MUC4: variants seen among roughly 807,000 people sequenced by gnomAD.
MUC4 encodes mucin-4.
A neutral mutation model predicts 257.9 loss-of-function variants in MUC4; 202 were observed. That is an observed-to-expected ratio of 0.78 (90% CI 0.70 to 0.88). The LOEUF is 0.88. MUC4 is among the 40% of genes least tolerant of loss of function. The pLI is 0.00. For synonymous variants in MUC4, 2,351 were observed against 2,757.1 expected (o/e 0.85, Z 4.62); for missense variants, 5,976 against 6,513.7 (o/e 0.92, Z 2.84).
chr3:195,798,026 G>T (rs1734776739), intron 1 of MUC4, among the ~76,000 whole-genome samples: 1 of 152,092 alleles, frequency 6.6e-6, no homozygotes, highest in South Asian at 2.1e-4. Flanking sequence ...GTTGAGGGGG[G>T]AGGATCACTT....
At chr3:195,773,023 C>T (rs1168608455) in intron 4 of MUC4, among the ~76,000 whole-genome samples, 18 of 145,302 alleles carry the variant, frequency 1.2e-4, no homozygotes, top group African/African-American at 4.4e-4. Flanking sequence ...CTCTCTCCAT[C>T]GCTCAGGGGT....
intron 4 of MUC4, among the ~76,000 whole-genome samples, chr3:195,772,251 C>A (rs1209709410): frequency 6.6e-6 from 1 of 151,032 alleles, no homozygotes; most frequent in Non-Finnish European, 1.5e-5. Flanking sequence ...GGGGTGTAGA[C>A]ACCCTCTCTC....
At chr3:195,754,826 C>G (rs867512721) in intron 18 of MUC4, among the ~76,000 whole-genome samples, 8 of 74,510 alleles carry the variant, frequency 1.1e-4, no homozygotes, top group African/African-American at 3.0e-4. Flanking sequence ...ATGTGTGTAT[C>G]CATGTGTGTA....
In MUC4 at chr3:195,782,015, T is replaced by C. The variant is rs1728369232; in HGVS notation, c.9565A>G (p.Ser3189Gly). ...TGACCTGTGGATGCTGAGGAAGGGC[T>C]AGTGACAGGAAGAGGCGTGGTGTCA... Reference protein sequence around the residue: ...TGDTTPLPVTSPSSASTGHAT... With the variant: ...TGDTTPLPVTGPSSASTGHAT... Residue 3189 changes from serine to glycine, a missense_variant, in exon 2 of 25, where the codon AGC becomes GGC. Around this residue, in one of 44 missense-constraint regions of MUC4, gnomAD observed 28 missense variants for 79.1 expected, o/e 0.35. Transcript: ENST00000463781. The C allele has an allele frequency of 6.7e-7, 1 of 1,486,044 alleles. No homozygotes were observed. The highest frequency in any genetic ancestry group is 9.0e-7 in the Non-Finnish European group (1 of 1,117,028). The allele number at this position is 1,486,044 out of a possible 1,614,324, so 92.1% of individuals were successfully genotyped here.
At chr3:195,763,756 C>T (rs1719758047) in intron 11 of MUC4, 115 bp from the exon 12 acceptor site, 1 of 1,116,060 alleles carries the variant, frequency 9.0e-7, no homozygotes, top group Non-Finnish European at 1.2e-6. Context: ...AGGTTCCTCA[C>T]TGCAGTCGAC....
chr3:195,774,327 C>G, intron 3 of MUC4, 22 bp from the exon 4 acceptor site: 1 of 1,499,852 alleles, frequency 6.7e-7, no homozygotes, highest in Non-Finnish European at 8.9e-7. Context: ...CAGAGAAGAG[C>G]AGGAAGTCCA....
rs1717838480 is a variant in MUC4 at position 195,757,174 on chromosome 3, G to A, written c.15141C>T (p.Thr5047=). 2.5e-6 allele frequency: 4 copies of A among 1,605,690 alleles called. No homozygotes were observed. The highest frequency in any genetic ancestry group is 3.4e-6 in the Non-Finnish European group (4 of 1,173,368). The part of the protein sequence containing the change: ...NAESQCLYNQ[T]SRVGNSSLEV... ...CCAGGGAGGAGTTGCCCACCCTGCT[G>A]GTCTGATTGTACAAACACTGGCTCT... The change falls in exon 18 of 25, where the codon ACC becomes ACT. Residue 5047 remains threonine (T), a synonymous_variant. Coordinates refer to ENST00000463781, the MANE Select transcript of MUC4 (RefSeq NM_018406.7). This position sits in a 1 kb window ranked among gnomAD's most constrained non-coding sequence, Gnocchi z 4.8.
rs751815251 is a variant in MUC4 at position 195,789,810 on chromosome 3, T to TA, written c.1769dup (p.Thr592AsnfsTer13). ...AAGAAGATGGGGATGTGGCCGTTTTTATCATCTGAGTCACACTGTAGCTTG... is the reference window on the plus strand; with the variant it reads ...AAGAAGATGGGGATGTGGCCGTTTTTAATCATCTGAGTCACACTGTAGCTTG... On this transcript the variant is annotated frameshift_variant, in exon 2 of 25. Coordinates refer to ENST00000463781, the MANE Select transcript of MUC4 (RefSeq NM_018406.7). LOFTEE classifies it high-confidence loss of function. The TA allele has an allele frequency of 6.2e-7, 1 of 1,614,026 alleles. No homozygotes were observed. Among genetic ancestry groups the TA allele is most frequent in the Non-Finnish European group, 8.5e-7 (1 of 1,179,878 alleles).
intron 12 of MUC4, among the ~76,000 whole-genome samples, 188 bp downstream of exon 12, chr3:195,763,245 C>T (rs533398015): frequency 1.3e-5 from 2 of 152,374 alleles, no homozygotes; most frequent in Non-Finnish European, 1.5e-5. Context: ...GCTGGGAAAC[C>T]GTGGGGCCAG....
At chr3:195,754,075 T>C (rs2148765910) in intron 19 of MUC4, 138 bp downstream of exon 19, 1 of 1,225,658 alleles carries the variant, frequency 8.2e-7, no homozygotes, top group East Asian at 2.5e-5. Flanking sequence ...CCTGCCTAGA[T>C]TTCCCACACC....
chr3:195,788,365 G>A lies in MUC4; in HGVS notation c.3215C>T (p.Pro1072Leu). ...TGAGGAAAGGCTGGTGACAGGAAGA[G>A]GGGTGACGTGACCTGTGGATGCTGA... ...TSSASTGHVT[P>L]LPVTSLSSAS... Residue 1072 changes from proline (P) to leucine (L), a missense_variant, in exon 2 of 25, where the codon CCT becomes CTT. Pro to Leu is a moderately conservative substitution (Grantham distance 98). This residue lies in a region of MUC4 where 68 missense variants were observed against 90.4 expected (regional missense o/e 0.75). Coordinates refer to ENST00000463781, the MANE Select transcript of MUC4 (RefSeq NM_018406.7). 1.9e-6 allele frequency: 3 copies of A among 1,541,426 alleles called. No individual in the cohort carries two copies. Among genetic ancestry groups the A allele is most frequent in the Admixed American group, 2.0e-5 (1 of 50,548 alleles).
rs556354486 is a variant in MUC4, at chr3:195,778,901, C to A, written c.12679G>T (p.Val4227Phe). 6.4e-7 allele frequency: 1 copy of A among 1,565,378 alleles called. No homozygotes were observed. The highest frequency in any genetic ancestry group is 8.6e-7 in the Non-Finnish European group (1 of 1,156,338). Residue 4227 changes from valine (V) to phenylalanine (F), a missense_variant, in exon 2 of 25, where the codon GTC becomes TTC. Physicochemically the swap from Val to Phe is conservative, Grantham distance 50. Around this residue, in one of 44 missense-constraint regions of MUC4, gnomAD observed 22 missense variants for 64.1 expected, o/e 0.34. Transcript: ENST00000463781. ...GTGGATACTGAGGAAAGGCTGGTGA[C>A]AGGAAGAGGGGTGGCGTGACCTGTG... is the stretch of plus-strand genomic sequence containing the variant. ...ASTGHATPLP[V>F]TSLSSVSTGH...
chr3:195,761,048 A>C lies in MUC4; in HGVS notation c.14684T>G (p.Phe4895Cys). ...GCTGTTTTTTTGCAGTTGTGAGTAG[A>C]AAACAGGGGTGAAGTTGGAAGGCAG... Reference protein sequence around the residue: ...DQLPSNFTPVFYSQLQKNSSW... With the variant: ...DQLPSNFTPVCYSQLQKNSSW... The change falls in exon 16 of 25, where the codon TTC (phenylalanine) becomes TGC (cysteine). Residue 4895 changes from phenylalanine (F) to cysteine (C), a missense_variant. Transcript: ENST00000463781. 6.2e-7 allele frequency: 1 copy of C among 1,614,184 alleles called. No homozygotes were observed. The highest frequency in any genetic ancestry group is 1.1e-5 in the South Asian group (1 of 91,084).
chr3:195,782,900 C>A lies in MUC4; in HGVS notation c.8680G>T (p.Ala2894Ser). Reference sequence around the variant, plus strand: ...AGGCTGGTGAGAGGAAGAGGGGTAGCGTGACCTGTGGACACTGAGGAAGCG... The same window carrying A: ...AGGCTGGTGAGAGGAAGAGGGGTAGAGTGACCTGTGGACACTGAGGAAGCG... ...TDASSVSTGH[A>S]TPLPLTSLSS... The change falls in exon 2 of 25, where the codon GCT becomes TCT. Residue 2894 changes from alanine to serine, a missense_variant. Physicochemically the swap from Ala to Ser is moderately conservative, Grantham distance 99. Transcript: ENST00000463781. 3 of 1,504,472 alleles carry A rather than the reference C, an allele frequency of 2.0e-6. No homozygotes were observed. The highest frequency in any genetic ancestry group is 2.7e-6 in the Non-Finnish European group (3 of 1,121,822). The allele number at this position is 1,504,472 out of a possible 1,614,324, so 93.2% of individuals were successfully genotyped here.
intron 19 of MUC4, chr3:195,753,620 G>T (rs575908132): frequency 7.1e-6 from 2 of 283,410 alleles, no homozygotes; most frequent in Non-Finnish European, 1.3e-5. Context: ...ACAGTGATCT[G>T]TAGATTTTAT....
Position 195,811,906 on chromosome 3 carries a change from A to C in MUC4, c.-89T>G, listed in dbSNP as rs1736798294. 7.4e-7 allele frequency: 1 copy of C among 1,348,822 alleles called. No homozygotes were observed. Among genetic ancestry groups the C allele is most frequent in the South Asian group, 1.3e-5 (1 of 77,482 alleles). 83.6% of individuals were successfully genotyped at this position (1,348,822 alleles called of 1,614,324 possible). ...GGAGCAGACGTGAGCCCGTCCCCTC[A>C]GGCGGCTGGCCCGAACCAAGTGCGT... On this transcript the variant is annotated 5_prime_UTR_variant, in exon 1 of 25. Transcript: ENST00000463781.
Position 195,751,241 on chromosome 3 carries a change from G to GC in MUC4, c.15612dup (p.Arg5205AlafsTer42), listed in dbSNP as rs767194245. 1 of 1,607,258 alleles carries GC rather than the reference G, an allele frequency of 6.2e-7. No homozygotes were observed. Among genetic ancestry groups the GC allele is most frequent in the Non-Finnish European group, 8.5e-7 (1 of 1,177,356 alleles). ...ACTTGGCTGTTGCGGAGAAAGGCCC[G>GC]CATGTCCAGGGTCCCCAGTCTGTAT... On this transcript the variant is annotated frameshift_variant, in exon 22 of 25. Coordinates refer to ENST00000463781, the MANE Select transcript of MUC4 (RefSeq NM_018406.7). LOFTEE classifies it high-confidence loss of function.
intron 22 of MUC4, 21 bp downstream of exon 22, chr3:195,751,186 G>C (rs1173474265): frequency 6.3e-7 from 1 of 1,579,336 alleles, no homozygotes; most frequent in Non-Finnish European, 8.6e-7. Context: ...TGGGGGCTTA[G>C]GGGGACACAG....
chr3:195,789,987 C>A lies in MUC4; in HGVS notation c.1593G>T (p.Arg531Ser), dbSNP rs866658096. 9.3e-6 allele frequency: 15 copies of A among 1,613,842 alleles called. No individual in the cohort carries two copies. The highest frequency in any genetic ancestry group is 1.3e-5 in the Non-Finnish European group (15 of 1,179,870). The change falls in exon 2 of 25, where the codon AGG (arginine) becomes AGT (serine). Residue 531 changes from arginine (R) to serine (S), a missense_variant. By Grantham distance (110) the Arg-to-Ser change is moderately radical (BLOSUM62 -1). This residue lies in a region of MUC4 where 1,583 missense variants were observed against 1,257.4 expected (regional missense o/e 1.26). Coordinates refer to ENST00000463781, the MANE Select transcript of MUC4 (RefSeq NM_018406.7). ...PSTGTAGTIP[R>S]VPSKVSAIGE... ...CTATTGCTGAGACCTTAGAGGGGAC[C>A]CTTGGAATAGTGCCAGCTGTCCCTG...
Sources: gnomAD v4.1 joint callset for allele counts (sites outside exome capture counted in the v4.1 genomes callset) on GRCh38, gnomAD v4.1.1 for gene constraint, gnomAD v4.1.1 regional missense constraint, Gnocchi (gnomAD v3.1) non-coding constraint, MANE v1.5 for transcripts, NCBI Gene and HGNC (gene_info 2026-07-23, HGNC 2026-07-21) for gene names.